The following PSIP1 variants were observed in gnomAD, a reference collection of about 807,000 sequenced individuals.
PSIP1 encodes PC4 and SFRS1-interacting protein.
In PSIP1, 19 loss-of-function variants were observed where a neutral mutation model predicts 74.7. That is an observed-to-expected ratio of 0.25 (90% CI 0.18 to 0.37). PSIP1 has a LOEUF of 0.37. Ranked by LOEUF, PSIP1 falls within the 10% of genes least tolerant of loss-of-function variation. The pLI is 1.00. For synonymous variants in PSIP1, 222 were observed against 195.3 expected (o/e 1.14, Z -1.14); for missense variants, 601 against 614.3 (o/e 0.98, Z 0.23).
At chr9:15,476,365 C>T (rs931750406) in intron 8 of PSIP1, among the ~76,000 whole-genome samples, 12 of 152,180 alleles carry the variant, frequency 7.9e-5, no homozygotes, top group African/African-American at 2.4e-4. Flanking sequence ...ACTGTTGGAC[C>T]GCAGCAGAAA....
chr9:15,474,770 G>A lies in PSIP1; in HGVS notation c.630-533C>T, dbSNP rs140748967. On this transcript the variant is annotated intron_variant, in intron 8 of 15. Coordinates refer to ENST00000380733, the MANE Select transcript of PSIP1 (RefSeq NM_033222.5). The stretch of plus-strand genomic sequence containing the variant: ...TATGCAAGTTGGTACTACAGAAATA[G>A]GCTCTAGGAGAATCAAATAATGCAA... 7.7e-3 allele frequency among the ~76,000 whole-genome samples: 1,165 copies of A among 152,116 alleles called. 10 individuals carry two copies. The highest frequency in any genetic ancestry group is 0.017 in the Middle Eastern group (5 of 294).
At chr9:15,492,428 G>A (rs557581159) in intron 3 of PSIP1, among the ~76,000 whole-genome samples, 2 of 152,340 alleles carry the variant, frequency 1.3e-5, no homozygotes, top group South Asian at 2.1e-4. Context: ...TCATGCAAAT[G>A]CAAGAGGTGA....
At chr9:15,502,784 C>A (rs551733082) in intron 3 of PSIP1, among the ~76,000 whole-genome samples, 1 of 152,170 alleles carries the variant, frequency 6.6e-6, no homozygotes, top group Non-Finnish European at 1.5e-5. Flanking sequence ...TTCCCACTTA[C>A]TAAAAATCTG....
rs1033733877 is a variant in PSIP1 at position 15,466,770 on chromosome 9, G to A, written c.1510C>T (p.His504Tyr). The A allele has an allele frequency of 6.2e-7, 1 of 1,611,910 alleles. No individual in the cohort carries two copies. Among genetic ancestry groups the A allele is most frequent in the Non-Finnish European group, 8.5e-7 (1 of 1,179,388 alleles). The change falls in exon 15 of 16, where the codon CAT (histidine) becomes TAT (tyrosine). Residue 504 changes from histidine (H) to tyrosine (Y), a missense_variant. By Grantham distance (83) the His-to-Tyr change is moderately conservative (BLOSUM62 2). This residue lies in a region of PSIP1 where 538 missense variants were observed against 507.6 expected (regional missense o/e 1.06). Coordinates refer to ENST00000380733, the MANE Select transcript of PSIP1 (RefSeq NM_033222.5). ...GESNEDSKDN[H>Y]EASTKKKPSS... ...CACTTTTTCTTCGTGCTGGCTTCATGGTTGTCTTTGCTGTCTTCATTGCTC... is the reference window on the plus strand; with the variant it reads ...CACTTTTTCTTCGTGCTGGCTTCATAGTTGTCTTTGCTGTCTTCATTGCTC...
chr9:15,488,226 G>A (rs1370833591), intron 4 of PSIP1, among the ~76,000 whole-genome samples: 3 of 152,086 alleles, frequency 2.0e-5, no homozygotes, highest in Non-Finnish European at 4.4e-5. Flanking sequence ...CAGCTACTCA[G>A]GAGGCTGAGG....
rs757321851 is a variant in PSIP1 at position 15,510,120 on chromosome 9, A to G, written c.69T>C (p.Ala23=). ...AKMKGYPHWP[A]RVDEVPDGAV... is the part of the protein sequence containing the mutation. Reference sequence around the variant, plus strand: ...GCGAGGGCTACAAATCACTTACTCGAGCTGGCCAATGGGGATAACCTTTCA... The same window carrying G: ...GCGAGGGCTACAAATCACTTACTCGGGCTGGCCAATGGGGATAACCTTTCA... The change falls in exon 2 of 16, where the codon GCT becomes GCC. Residue 23 remains alanine (A), a synonymous_variant. Transcript: ENST00000380733. 1.9e-6 allele frequency: 3 copies of G among 1,603,574 alleles called. No individual in the cohort carries two copies. The highest frequency in any genetic ancestry group is 2.6e-6 in the Non-Finnish European group (3 of 1,175,112).
intron 3 of PSIP1, among the ~76,000 whole-genome samples, chr9:15,493,543 A>C (rs1451035069): frequency 6.6e-6 from 1 of 152,142 alleles, no homozygotes; most frequent in African/African-American, 2.4e-5. Context: ...TCTGGTACCA[A>C]TTTACCATAT....
chr9:15,510,353 T>A, intron 1 of PSIP1, 24 bp from the exon 2 acceptor site: 1 of 154,096 alleles, frequency 6.5e-6, no homozygotes. Flanking sequence ...CGAGGGCGGT[T>A]AAAGCGAAGA....
chr9:15,471,986 C>T (rs2035853387), intron 10 of PSIP1: 1 of 973,614 alleles, frequency 1.0e-6, no homozygotes, highest in South Asian at 4.8e-5. Context: ...GTAATAAAGA[C>T]ACGAAGTCTG....
intron 1 of PSIP1, 59 bp from the exon 2 acceptor site, chr9:15,510,388 G>A (rs1345405893): frequency 2.5e-6 from 1 of 395,556 alleles, no homozygotes; most frequent in Non-Finnish European, 4.5e-6. Flanking sequence ...GGCCGCAAGG[G>A]GAGGGGGAGG....
intron 6 of PSIP1, among the ~76,000 whole-genome samples, chr9:15,481,699 T>A (rs546612182): frequency 2.1e-4 from 32 of 151,864 alleles, no homozygotes; most frequent in Non-Finnish European, 3.8e-4. Context: ...AAACAAAGAA[T>A]TATAGGTAAA....
chr9:15,501,532 G>C (rs1210187727), intron 3 of PSIP1, among the ~76,000 whole-genome samples: 3 of 152,098 alleles, frequency 2.0e-5, no homozygotes, highest in African/African-American at 4.8e-5. Context: ...CCTGAGATAA[G>C]ATGAGGCTTA....
chr9:15,504,506 G>C (rs1275591991), intron 3 of PSIP1, among the ~76,000 whole-genome samples: 9 of 152,114 alleles, frequency 5.9e-5, no homozygotes, highest in African/African-American at 1.9e-4. Context: ...AGGAGGCCGA[G>C]GTGGGCAGAT....
intron 10 of PSIP1, chr9:15,472,403 A>G: frequency 7.5e-7 from 1 of 1,337,142 alleles, no homozygotes; most frequent in Non-Finnish European, 9.5e-7. Context: ...CACTTCGTTT[A>G]AATTCAAAAA....
rs1014055594 is a variant in PSIP1, at chr9:15,465,383, C to G, written c.*137G>C. 2 of 716,194 alleles carry G rather than the reference C, an allele frequency of 2.8e-6. No individual in the cohort carries two copies. The highest frequency in any genetic ancestry group is 3.7e-5 in the African/African-American group (2 of 54,502). 44.4% of individuals were successfully genotyped at this position (716,194 alleles called of 1,614,324 possible). ...CGATAATGTTTACTTTACTTTAAAA[C>G]AAAGGGATTTTCTCCCTCAAAACAA... On this transcript the variant is annotated 3_prime_UTR_variant, in exon 16 of 16. Coordinates refer to ENST00000380733, the MANE Select transcript of PSIP1 (RefSeq NM_033222.5).
chr9:15,490,112 T>C lies in PSIP1; in HGVS notation c.162A>G (p.Gly54=), dbSNP rs777266673. 1.0e-5 allele frequency: 16 copies of C among 1,584,804 alleles called. No homozygotes were observed. Among genetic ancestry groups the C allele is most frequent in the African/African-American group, 1.4e-5 (1 of 73,122 alleles). Residue 54 remains glycine, a synonymous_variant, in exon 4 of 16, where the codon GGA becomes GGG. Coordinates refer to ENST00000380733, the MANE Select transcript of PSIP1 (RefSeq NM_033222.5). ...CTGAGTAAGGAAATATATCCTTTGG[T>C]CCTAAAAAAGCACTAAAAAAGAAGT... ...FFGTHETAFL[G]PKDIFPYSEN... is the part of the protein sequence containing the mutation.
At position 15,473,919 on chromosome 9, in the gene PSIP1, A is replaced by C. The variant is rs1320317988; in HGVS notation, c.858+90T>G. 1.2e-5 allele frequency: 10 copies of C among 864,158 alleles called. No homozygotes were observed. In the African/African-American group the frequency reaches 1.4e-4, roughly 12 times the overall value. 53.5% of individuals were successfully genotyped at this position (864,158 alleles called of 1,614,324 possible). The stretch of plus-strand genomic sequence containing the variant: ...CCATCTCAAACAAAAAAAAAACAAA[A>C]AAAAAAACAAAAAAAAAACAAAGAA... On this transcript the variant is annotated intron_variant, in intron 9 of 15. Transcript: ENST00000380733.
chr9:15,479,046 T>C (rs1173235481), intron 7 of PSIP1, among the ~76,000 whole-genome samples: 1 of 152,048 alleles, frequency 6.6e-6, no homozygotes, highest in Non-Finnish European at 1.5e-5. Context: ...TTACCCCCCA[T>C]TTTCAGTAAG....
At chr9:15,509,208 A>G (rs1017006602) in intron 2 of PSIP1, among the ~76,000 whole-genome samples, 2 of 152,236 alleles carry the variant, frequency 1.3e-5, no homozygotes, top group Non-Finnish European at 2.9e-5. Context: ...AATGGCTTGG[A>G]AAAATAAAAC....
Sources: gnomAD v4.1 joint callset for allele counts (sites outside exome capture counted in the v4.1 genomes callset) on GRCh38, gnomAD v4.1.1 for gene constraint, gnomAD v4.1.1 regional missense constraint, MANE v1.5 for transcripts, NCBI Gene and HGNC (gene_info 2026-07-23, HGNC 2026-07-21) for gene names.